Variants in JAML observed in about 807,000 individuals in gnomAD.
JAML encodes the protein junctional adhesion molecule-like.
Under a neutral mutation model 39.3 loss-of-function variants are expected in JAML, and 25 were observed. The ratio of observed to expected loss-of-function variants is 0.64; its 90% CI spans 0.46 to 0.89. The LOEUF is 0.89. JAML is among the 40% of genes least tolerant of loss of function. JAML has a pLI of 0.00. For synonymous variants in JAML, 162 were observed against 179.2 expected, an observed-to-expected ratio of 0.90 and a Z score of 0.77; for missense variants, 440 against 486.9, an observed-to-expected ratio of 0.90 and a Z score of 0.91.
At chr11:118,200,643 C>T (rs745669430) in intron 6 of JAML, 31 bp from the exon 7 acceptor site, 5 of 1,613,538 alleles carry the variant, frequency 3.1e-6, no homozygotes, top group Admixed American at 1.7e-5. Flanking sequence ...AGGAGAGGGT[C>T]TCAATACTTT....
intron 1 of JAML, among the ~76,000 whole-genome samples, chr11:118,218,482 A>G (rs2134677149): frequency 6.6e-6 from 1 of 152,268 alleles, no homozygotes; most frequent in South Asian, 2.1e-4. Context: ...CATTTAATTA[A>G]GACCCTGCTC....
intron 4 of JAML, among the ~76,000 whole-genome samples, chr11:118,210,108 C>T (rs373633098): frequency 6.6e-6 from 1 of 152,158 alleles, no homozygotes; most frequent in African/African-American, 2.4e-5. Flanking sequence ...ATGTGGATAA[C>T]TGATGAAAGG....
intron 1 of JAML, among the ~76,000 whole-genome samples, chr11:118,220,085 A>G (rs180967434): frequency 6.6e-6 from 1 of 152,252 alleles, no homozygotes; most frequent in African/African-American, 2.4e-5. Flanking sequence ...TATGTGTCAC[A>G]ATTGGCACAC....
intron 6 of JAML, chr11:118,201,628 GA>G (rs1380401561): frequency 6.6e-6 from 1 of 152,314 alleles, no homozygotes; most frequent in Non-Finnish European, 1.5e-5. Flanking sequence ...GATTTAGAAA[GA>G]TGGCACCAAG....
At chr11:118,194,522 C>T (rs2134636327) in intron 9 of JAML, 105 bp from the exon 10 acceptor site, 2 of 866,230 alleles carry the variant, frequency 2.3e-6, no homozygotes, top group East Asian at 2.6e-5. Flanking sequence ...CGGCCCAGTA[C>T]TGAATTTCAT....
At chr11:118,198,887 CCACA>C (rs1430881292) in intron 7 of JAML, among the ~76,000 whole-genome samples, 1 of 152,194 alleles carries the variant, frequency 6.6e-6, no homozygotes, top group Non-Finnish European at 1.5e-5. Flanking sequence ...ACTTCAAATT[CCACA>C]CAATTACCCA....
intron 9 of JAML, 135 bp from the exon 10 acceptor site, chr11:118,194,552 C>G: frequency 1.5e-6 from 1 of 688,742 alleles, no homozygotes; most frequent in Non-Finnish European, 2.6e-6. Context: ...CTCATGTGAT[C>G]CTTACCACCA....
intron 8 of JAML, 98 bp from the exon 9 acceptor site, chr11:118,196,919 C>T: frequency 1.1e-6 from 1 of 930,920 alleles, no homozygotes; most frequent in Non-Finnish European, 1.7e-6. Context: ...CATCGACCAC[C>T]CAAACTGCTG....
intron 1 of JAML, among the ~76,000 whole-genome samples, chr11:118,223,417 AG>A (rs1949229867): frequency 6.6e-6 from 1 of 152,204 alleles, no homozygotes; most frequent in African/African-American, 2.4e-5. Context: ...TTTGTTTATA[AG>A]GTTTTATTAA....
chr11:118,219,216 A>G (rs1465364815), intron 1 of JAML, among the ~76,000 whole-genome samples: 2 of 152,224 alleles, frequency 1.3e-5, no homozygotes, highest in African/African-American at 2.4e-5. Context: ...TCAAACCCAC[A>G]ATGAGTTATC....
At chr11:118,208,384 A>C (rs1181028138) in intron 4 of JAML, among the ~76,000 whole-genome samples, 1 of 152,250 alleles carries the variant, frequency 6.6e-6, no homozygotes, top group Non-Finnish European at 1.5e-5. Context: ...CACCTACTAC[A>C]ACTCCATTTT....
Position 118,194,253 on chromosome 11 carries a change from G to T in JAML, c.*72C>A. Reference sequence around the variant, plus strand: ...GGGAGAGCGGGAGTCTGAAATCACTGGTAGAGTGGCCCAGGACACACACAG... The same window carrying T: ...GGGAGAGCGGGAGTCTGAAATCACTTGTAGAGTGGCCCAGGACACACACAG... On this transcript the variant is annotated 3_prime_UTR_variant, in exon 10 of 10. Transcript: ENST00000356289. 7.5e-7 allele frequency: 1 copy of T among 1,332,102 alleles called. No homozygotes were observed. The highest frequency in any genetic ancestry group is 1.8e-4 in the Middle Eastern group (1 of 5,482). The allele number at this position is 1,332,102 out of a possible 1,614,324, so 82.5% of individuals were successfully genotyped here.
At chr11:118,196,711 A>G (rs648947) in intron 9 of JAML, 24 bp downstream of exon 9, 942,276 of 1,591,484 alleles carry the variant, frequency 0.59, 281,364 homozygotes, top group South Asian at 0.75. Context: ...CACCTGGCTC[A>G]GCTGAGGCCA....
Position 118,194,207 on chromosome 11 carries a change from C to A in JAML, c.*118G>T. 1 of 894,610 alleles carries A rather than the reference C, an allele frequency of 1.1e-6. No individual in the cohort carries two copies. Among genetic ancestry groups the A allele is most frequent in the Non-Finnish European group, 1.8e-6 (1 of 550,830 alleles). The allele number at this position is 894,610 out of a possible 1,614,324, so 55.4% of individuals were successfully genotyped here. A position where few individuals can be genotyped will look rare whatever the true frequency, so the allele number is the denominator to read the frequency against. On this transcript the variant is annotated 3_prime_UTR_variant, in exon 10 of 10. Coordinates refer to ENST00000356289, the MANE Select transcript of JAML (RefSeq NM_001098526.2). ...CTCCATCTTCAGTGTATTGACCAAA[C>A]AATGAGACAGGAGGACAGCTGGGAG...
chr11:118,194,295 C>T lies in JAML; in HGVS notation c.*30G>A, dbSNP rs747963271. On this transcript the variant is annotated 3_prime_UTR_variant, in exon 10 of 10. Transcript: ENST00000356289. ...CACACACAGGAGAGAGTCTCCACCG[C>T]TGCTGAGATGAAGGGACTCTCCATT... The T allele has an allele frequency of 7.6e-6, 12 of 1,587,210 alleles. No homozygotes were observed. The East Asian group carries it at 2.2e-4, about 30-fold the overall frequency.
chr11:118,198,561 GC>G (rs1265885413), intron 7 of JAML, among the ~76,000 whole-genome samples: 1 of 151,642 alleles, frequency 6.6e-6, no homozygotes, highest in Non-Finnish European at 1.5e-5. Flanking sequence ...CCCGACCCAA[GC>G]CCCAAGCAGG....
At chr11:118,196,957 A>G (rs746890387) in intron 8 of JAML, 136 bp from the exon 9 acceptor site, 36 of 646,310 alleles carry the variant, frequency 5.6e-5, no homozygotes, top group Non-Finnish European at 8.8e-5. Context: ...GACCTAGAGA[A>G]TTCTCAACAA....
chr11:118,197,090 G>T, intron 8 of JAML: 1 of 360,848 alleles, frequency 2.8e-6, no homozygotes, highest in Non-Finnish European at 5.2e-6. Flanking sequence ...AGCAGCAGGG[G>T]TTCCTTATCT....
intron 7 of JAML, among the ~76,000 whole-genome samples, chr11:118,199,641 G>A (rs2134645483): frequency 6.6e-6 from 1 of 151,974 alleles, no homozygotes; most frequent in South Asian, 2.1e-4. Flanking sequence ...TGAGACCCTG[G>A]GAGAACTACC....
Sources: allele counts gnomAD v4.1 joint callset (sites outside exome capture counted in the v4.1 genomes callset), GRCh38; gene constraint gnomAD v4.1.1; transcripts MANE v1.5; gene names NCBI Gene and HGNC (gene_info 2026-07-23, HGNC 2026-07-21).